The following PKP3 variants were observed in gnomAD, a reference collection of about 807,000 sequenced individuals.
PKP3 encodes plakophilin-3.
Under a neutral mutation model 76.5 loss-of-function variants are expected in PKP3, and 66 were observed. That is an observed-to-expected ratio of 0.86 (90% CI 0.71 to 1.06). The LOEUF is 1.06. Ranked by LOEUF, PKP3 falls within the 50% of genes least tolerant of loss-of-function variation. The pLI is 0.00. For missense variants in PKP3, 1,338 were observed against 1,141.0 expected (o/e 1.17, Z -2.49); for synonymous variants, 638 against 516.5 (o/e 1.24, Z -3.19).
At position 400,008 on chromosome 11, in the gene PKP3, CG is replaced by C. The variant is rs1407232805; in HGVS notation, c.1316del (p.Arg439ProfsTer15). On this transcript the variant is annotated frameshift_variant, in exon 6 of 13. Transcript: ENST00000331563. LOFTEE classifies it high-confidence loss of function. ...NLSSSDHLKD[R>X]LARDTLEQLT... ...TTCATCCAGCGACCACCTGAAGGAC[CG>C]CCTGGCCAGAGACACGCTGGAGCAG... 6.2e-7 allele frequency: 1 copy of C among 1,607,276 alleles called. No homozygotes were observed.
Position 398,975 on chromosome 11 carries a change from T to C in PKP3, c.1069-17T>C, listed in dbSNP as rs953393447. 1.1e-5 allele frequency: 17 copies of C among 1,544,568 alleles called. No homozygotes were observed. The highest frequency in any genetic ancestry group is 1.4e-5 in the Non-Finnish European group (16 of 1,140,586). ...ATCCACATGCGTCTGTGCACCCCCATATGCCTGTGCCCGCAGGCCCGCAGC... is the reference window on the plus strand; with the variant it reads ...ATCCACATGCGTCTGTGCACCCCCACATGCCTGTGCCCGCAGGCCCGCAGC... On this transcript the variant is annotated splice_polypyrimidine_tract_variant and intron_variant, in intron 4 of 12. Coordinates refer to ENST00000331563, the MANE Select transcript of PKP3 (RefSeq NM_007183.4).
chr11:400,570 G>A lies in PKP3; in HGVS notation c.1602G>A (p.Leu534=), dbSNP rs1409870221. The change falls in exon 8 of 13, where the codon CTG becomes CTA. Residue 534 remains leucine (L), a synonymous_variant. Coordinates refer to ENST00000331563, the MANE Select transcript of PKP3 (RefSeq NM_007183.4). ...ACGCGGTGTGCGTCCTGCGGAACCT[G>A]TCCTACCGCCTCTACGACGAGATGC... ...VENAVCVLRN[L]SYRLYDEMPP... is the part of the protein sequence containing the mutation. 3 of 1,488,626 alleles carry A rather than the reference G, an allele frequency of 2.0e-6. No individual in the cohort carries two copies. The highest frequency in any genetic ancestry group is 1.3e-5 in the South Asian group (1 of 78,364). The allele number at this position is 1,488,626 out of a possible 1,614,324, so 92.2% of individuals were successfully genotyped here. A position where few individuals can be genotyped will look rare whatever the true frequency, so the allele number is the denominator to read the frequency against.
chr11:396,616 A>AG lies in PKP3; in HGVS notation c.246dup (p.Gln83AlafsTer84). 1 of 1,606,080 alleles carries AG rather than the reference A, an allele frequency of 6.2e-7. No individual in the cohort carries two copies. The highest frequency in any genetic ancestry group is 8.5e-7 in the Non-Finnish European group (1 of 1,176,532). On this transcript the variant is annotated frameshift_variant, in exon 2 of 13. Transcript: ENST00000331563. LOFTEE classifies it high-confidence loss of function. ...ACCGTCCCTCTCCACAGGCACATCC[A>AG]GGGGGCAGTACCACACCCTGCAGGC...
chr11:398,215 C>T (rs1292930870), intron 4 of PKP3, among the ~76,000 whole-genome samples: 1 of 90,832 alleles, frequency 1.1e-5, no homozygotes, highest in Non-Finnish European at 2.2e-5. Context: ...TCCGTACCCC[C>T]GCACACACCT....
At position 396,664 on chromosome 11, in the gene PKP3, G is replaced by A; in HGVS notation, c.289G>A (p.Gly97Ser). Residue 97 changes from glycine (G) to serine (S), a missense_variant, in exon 2 of 13, where the codon GGC (glycine) becomes AGC (serine). Coordinates refer to ENST00000331563, the MANE Select transcript of PKP3 (RefSeq NM_007183.4). Reference sequence around the variant, plus strand: ...GGCTGGCTTCAGCTCTCGCTCTCAGGGCCTGAGTGGGGACAAGACCTCGGT... The same window carrying A: ...GGCTGGCTTCAGCTCTCGCTCTCAGAGCCTGAGTGGGGACAAGACCTCGGT... Reference protein sequence around the residue: ...LQAGFSSRSQGLSGDKTSGFR... With the variant: ...LQAGFSSRSQSLSGDKTSGFR... 1 of 1,611,222 alleles carries A rather than the reference G, an allele frequency of 6.2e-7. No homozygotes were observed. The highest frequency in any genetic ancestry group is 1.1e-5 in the South Asian group (1 of 90,830).
chr11:403,696 G>T lies in PKP3; in HGVS notation c.2002G>T (p.Asp668Tyr). The T allele has an allele frequency of 6.2e-7, 1 of 1,610,356 alleles. No individual in the cohort carries two copies. Among genetic ancestry groups the T allele is most frequent in the South Asian group, 1.1e-5 (1 of 91,072 alleles). ...NPLLDRVRTADHHQLRSLTGL... is the reference protein window; with the variant it reads ...NPLLDRVRTAYHHQLRSLTGL... ...CCTGCTAGACCGTGTCAGGACCGCC[G>T]ACCACCACCAGCTGCGCTCACTGAC... Residue 668 changes from aspartate (D) to tyrosine (Y), a missense_variant, in exon 10 of 13, where the codon GAC becomes TAC. Coordinates refer to ENST00000331563, the MANE Select transcript of PKP3 (RefSeq NM_007183.4).
chr11:403,519 G>T, intron 9 of PKP3, 99 bp from the exon 10 acceptor site: 1 of 1,230,854 alleles, frequency 8.1e-7, no homozygotes, highest in East Asian at 2.3e-5. Flanking sequence ...AGGCCCCCCT[G>T]AGGGTGGCGA....
In PKP3 at chr11:397,455, T is replaced by A. The variant is rs780810098; in HGVS notation, c.944+10T>A. ...AGAGACTCAGCAGCGGGTGAGCGGC[T>A]GGGCCCGGCTCAGGGAGGGGGCTTC... On this transcript the variant is annotated intron_variant, in intron 3 of 12. Transcript: ENST00000331563. 5 of 1,611,998 alleles carry A rather than the reference T, an allele frequency of 3.1e-6. No homozygotes were observed. Among genetic ancestry groups the A allele is most frequent in the African/African-American group, 1.3e-5 (1 of 74,970 alleles).
Position 397,054 on chromosome 11 carries a change from C to A in PKP3, c.553C>A (p.Arg185=). ...DYDTLSLRSL[R]LGPGGLDDRY... The stretch of plus-strand genomic sequence containing the variant: ...TGACACACTCTCCCTGCGCTCGCTG[C>A]GGCTGGGGCCCGGGGGCCTGGACGA... Residue 185 remains arginine (R), a synonymous_variant, in exon 3 of 13, where the codon CGG becomes AGG. Coordinates refer to ENST00000331563, the MANE Select transcript of PKP3 (RefSeq NM_007183.4). 1 of 1,599,158 alleles carries A rather than the reference C, an allele frequency of 6.3e-7. No individual in the cohort carries two copies. Among genetic ancestry groups the A allele is most frequent in the South Asian group, 1.1e-5 (1 of 91,050 alleles).
chr11:397,783 C>T (rs1847075024), intron 4 of PKP3, 121 bp downstream of exon 4: 1 of 992,162 alleles, frequency 1.0e-6, no homozygotes, highest in East Asian at 2.6e-5. Flanking sequence ...TGGGTAGACC[C>T]CACTCTGTCT....
intron 7 of PKP3, 39 bp from the exon 8 acceptor site, chr11:400,496 G>A: frequency 1.3e-6 from 2 of 1,503,638 alleles, no homozygotes; most frequent in Middle Eastern, 2.3e-4. Context: ...CCGGGCCGCC[G>A]CTCTGACCCG....
At chr11:403,796 T>C (rs1467540224) in intron 10 of PKP3, 25 bp downstream of exon 10, 1 of 1,602,356 alleles carries the variant, frequency 6.2e-7, no homozygotes, top group Middle Eastern at 1.7e-4. Context: ...CCCTCGTCCC[T>C]GCCCTGCTGG....
chr11:399,652 C>T (rs771276701), intron 5 of PKP3, among the ~76,000 whole-genome samples: 3 of 146,730 alleles, frequency 2.0e-5, no homozygotes, highest in African/African-American at 5.1e-5. Flanking sequence ...TTTTGCCGGC[C>T]GTGTTTCTAC....
In PKP3 at chr11:400,495, C is replaced by T. The variant is rs1347179740; in HGVS notation, c.1567-40C>T. The T allele has an allele frequency of 1.7e-5, 26 of 1,500,538 alleles. 1 individual carries two copies. The highest frequency in any genetic ancestry group is 4.6e-4 in the Middle Eastern group (2 of 4,304). 93.0% of individuals were successfully genotyped at this position (1,500,538 alleles called of 1,614,324 possible). A position where few individuals can be genotyped will look rare whatever the true frequency, so the allele number is the denominator to read the frequency against. ...AGGAGGGGCCGTGCCCCCGGGCCGC[C>T]GCTCTGACCCGCGCCCCTGCCCCGC... is the stretch of plus-strand genomic sequence containing the variant. On this transcript the variant is annotated intron_variant, in intron 7 of 12. Coordinates refer to ENST00000331563, the MANE Select transcript of PKP3 (RefSeq NM_007183.4).
chr11:397,235 CCCCTGCCGT>C lies in PKP3; in HGVS notation c.735_743del (p.Pro246_Val248del). On this transcript the variant is annotated inframe_deletion, in exon 3 of 13. Coordinates refer to ENST00000331563, the MANE Select transcript of PKP3 (RefSeq NM_007183.4). ...GTTTCCCCGAGCCGGACCATCCGTG[CCCCTGCCGT>C]GCGGACCCTGCAGCGATTCCAGAGC... The C allele has an allele frequency of 6.3e-7, 1 of 1,599,626 alleles. No individual in the cohort carries two copies. The highest frequency in any genetic ancestry group is 1.1e-5 in the South Asian group (1 of 90,764).
At chr11:395,084 G>A (rs1397589258) in intron 1 of PKP3, among the ~76,000 whole-genome samples, 1 of 152,122 alleles carries the variant, frequency 6.6e-6, no homozygotes, top group Non-Finnish European at 1.5e-5. Flanking sequence ...ACAGCAGGTG[G>A]AGGAGCACCC....
chr11:399,861 A>C (rs1847119948), intron 5 of PKP3, 106 bp from the exon 6 acceptor site: 1 of 933,158 alleles, frequency 1.1e-6, no homozygotes, highest in East Asian at 2.7e-5. Context: ...GAGGCACAGA[A>C]CACCAGGCCA....
rs907724673 is a variant in PKP3, at chr11:404,503, C to T, written c.2359-31C>T. ...GCAGAGGGCCACATGGGCAGACATG[C>T]ACCCTGACCTTGGGCCTCTCTCCAC... On this transcript the variant is annotated intron_variant, in intron 12 of 12. Coordinates refer to ENST00000331563, the MANE Select transcript of PKP3 (RefSeq NM_007183.4). This position sits in a 1 kb window ranked among gnomAD's most constrained non-coding sequence, Gnocchi z 4.2. 17 of 1,610,684 alleles carry T rather than the reference C, an allele frequency of 1.1e-5. No individual in the cohort carries two copies. Among genetic ancestry groups the T allele is most frequent in the Non-Finnish European group, 1.4e-5 (16 of 1,178,182 alleles).
At position 400,005 on chromosome 11, in the gene PKP3, G is replaced by T. The variant is rs779175464; in HGVS notation, c.1312G>T (p.Asp438Tyr). The T allele has an allele frequency of 1.1e-5, 18 of 1,607,256 alleles. No individual in the cohort carries two copies. The highest frequency in any genetic ancestry group is 1.5e-5 in the Non-Finnish European group (18 of 1,178,374). ...WNLSSSDHLK[D>Y]RLARDTLEQL... The stretch of plus-strand genomic sequence containing the variant: ...CCTTTCATCCAGCGACCACCTGAAG[G>T]ACCGCCTGGCCAGAGACACGCTGGA... The change falls in exon 6 of 13, where the codon GAC (aspartate) becomes TAC (tyrosine). Residue 438 changes from aspartate to tyrosine, a missense_variant. By Grantham distance (160) the Asp-to-Tyr change is radical (BLOSUM62 -3). Coordinates refer to ENST00000331563, the MANE Select transcript of PKP3 (RefSeq NM_007183.4).
Sources: gnomAD v4.1 joint callset for allele counts (sites outside exome capture counted in the v4.1 genomes callset) on GRCh38, gnomAD v4.1.1 for gene constraint, Gnocchi (gnomAD v3.1) non-coding constraint, MANE v1.5 for transcripts, NCBI Gene and HGNC (gene_info 2026-07-23, HGNC 2026-07-21) for gene names.